The following CALN1 variants were observed in gnomAD, a reference collection of about 807,000 sequenced individuals.
The protein encoded by CALN1 is calneuron 1.
A neutral mutation model predicts 30.6 loss-of-function variants in CALN1; 17 were observed. The ratio of observed to expected loss-of-function variants is 0.56; its 90% CI spans 0.38 to 0.83. CALN1 has a LOEUF of 0.83. Among genes scored for constraint, CALN1 ranks in the 40% least tolerant of loss-of-function variants. CALN1 has a pLI of 0.00. For missense variants in CALN1, 291 were observed against 354.9 expected (o/e 0.82, Z 1.45); for synonymous variants, 156 against 131.4 (o/e 1.19, Z -1.28).
At chr7:72,042,557 T>C (rs939326228) in intron 4 of CALN1, among the ~76,000 whole-genome samples, 6 of 152,110 alleles carry the variant, frequency 3.9e-5, no homozygotes, top group Admixed American at 1.3e-4. Context: ...CTGCCTGGCA[T>C]GTACTCAAAT....
chr7:72,405,857 T>A (rs1453212750), intron 1 of CALN1, among the ~76,000 whole-genome samples: 1 of 152,230 alleles, frequency 6.6e-6, no homozygotes, highest in Non-Finnish European at 1.5e-5. Flanking sequence ...AACTTCTGAA[T>A]ATGTTGAGTC....
Position 72,397,714 on chromosome 7 carries a change from T to TCTCACACA in CALN1, c.119+5536_119+5537insTGTGTGAG, listed in dbSNP as rs142607076. ...GATCTTGGAGAGCACCCATTCTCTC[T>TCTCACACA]CACACACACACACACACACACACAC... On this transcript the variant is annotated intron_variant, in intron 2 of 6. Transcript: ENST00000395275. 7.6e-3 allele frequency among the ~76,000 whole-genome samples: 1,082 copies of TCTCACACA among 142,910 alleles called. 13 individuals carry two copies. The highest frequency in any genetic ancestry group is 0.018 in the African/African-American group (701 of 38,226). 93.8% of individuals were successfully genotyped at this position (142,910 alleles called of 152,430 possible).
chr7:71,881,197 C>A (rs1486077476), intron 5 of CALN1, among the ~76,000 whole-genome samples: 1 of 152,180 alleles, frequency 6.6e-6, no homozygotes, highest in African/African-American at 2.4e-5. Flanking sequence ...GGCTCTCAGG[C>A]CTTTTGGCCA....
intron 3 of CALN1, among the ~76,000 whole-genome samples, chr7:72,136,980 T>C (rs1809555298): frequency 6.6e-6 from 1 of 152,180 alleles, no homozygotes; most frequent in Non-Finnish European, 1.5e-5. Flanking sequence ...GAAAGAAACA[T>C]GAAATGTGGC....
In CALN1 at chr7:72,405,232, A is replaced by G. The variant is rs55841026; in HGVS notation, c.-73-1790T>C. On this transcript the variant is annotated intron_variant, in intron 1 of 6. Coordinates refer to ENST00000395275, the MANE Select transcript of CALN1 (RefSeq NM_031468.4). ...TCAAAGCAAGAAGTCACATCTCACCAAACAGCACATGTGCAACGCACCCAT... is the reference window on the plus strand; with the variant it reads ...TCAAAGCAAGAAGTCACATCTCACCGAACAGCACATGTGCAACGCACCCAT... 8.3e-3 allele frequency among the ~76,000 whole-genome samples: 1,260 copies of G among 152,332 alleles called. 7 individuals carry two copies. Among genetic ancestry groups the G allele is most frequent in the Middle Eastern group, 0.017 (5 of 294 alleles).
At chr7:71,843,032 C>T (rs1198642552) in intron 5 of CALN1, among the ~76,000 whole-genome samples, 1 of 152,054 alleles carries the variant, frequency 6.6e-6, no homozygotes, top group Non-Finnish European at 1.5e-5. Flanking sequence ...TTTTTCTCTG[C>T]TAGGCATTAA....
intron 5 of CALN1, among the ~76,000 whole-genome samples, chr7:71,987,299 A>G (rs1798725229): frequency 6.6e-6 from 1 of 152,216 alleles, no homozygotes; most frequent in South Asian, 2.1e-4. Context: ...GTGTCTGTGA[A>G]CACGAGGAAC....
chr7:71,800,571 C>T (rs1787240795), intron 6 of CALN1, among the ~76,000 whole-genome samples: 1 of 152,164 alleles, frequency 6.6e-6, no homozygotes, highest in African/African-American at 2.4e-5. Flanking sequence ...GGGGATGTGT[C>T]TTAAGAGGGC....
chr7:71,949,941 T>G (rs1285286277), intron 5 of CALN1, among the ~76,000 whole-genome samples: 1 of 152,012 alleles, frequency 6.6e-6, no homozygotes, highest in Non-Finnish European at 1.5e-5. Context: ...TTTTTGTATT[T>G]TTAGTAGAGA....
At chr7:72,335,602 C>T (rs1303441850) in intron 2 of CALN1, among the ~76,000 whole-genome samples, 1 of 152,228 alleles carries the variant, frequency 6.6e-6, no homozygotes, top group East Asian at 1.9e-4. Flanking sequence ...TGCAGAAAAC[C>T]GGCTCAGGGC....
At chr7:71,991,519 T>G (rs561086860) in intron 5 of CALN1, among the ~76,000 whole-genome samples, 1 of 151,552 alleles carries the variant, frequency 6.6e-6, no homozygotes, top group East Asian at 1.9e-4. Flanking sequence ...GCCTACATTT[T>G]AGAAGTGCAA....
At chr7:72,411,126 T>C (rs182754960) in intron 1 of CALN1, among the ~76,000 whole-genome samples, 1 of 152,114 alleles carries the variant, frequency 6.6e-6, no homozygotes, top group East Asian at 1.9e-4. Context: ...AGCCTATTTA[T>C]AAGAGCAAAC....
At chr7:72,210,689 G>A (rs1792326876) in intron 3 of CALN1, among the ~76,000 whole-genome samples, 2 of 151,928 alleles carry the variant, frequency 1.3e-5, no homozygotes, top group African/African-American at 2.4e-5. Context: ...AAGTATGGAG[G>A]AAACCACCCC....
intron 3 of CALN1, among the ~76,000 whole-genome samples, chr7:72,109,976 C>G (rs1457574010): frequency 6.6e-6 from 1 of 152,222 alleles, no homozygotes; most frequent in Non-Finnish European, 1.5e-5. Flanking sequence ...CAGAGGATGA[C>G]AAGGTCTGCG....
At chr7:71,971,953 A>AAAAGAAAGAAAGAAAGAAAGAAAGAAAG (rs61083921) in intron 5 of CALN1, among the ~76,000 whole-genome samples, 11 of 72,812 alleles carry the variant, frequency 1.5e-4, no homozygotes, top group African/African-American at 7.0e-4. Context: ...AAAAAAAAAA[A>AAAAGAAAGAAAGAAAGAAAGAAAGAAAG]AAAGAAAGAA....
chr7:72,025,047 A>G (rs1048013814), intron 4 of CALN1, among the ~76,000 whole-genome samples: 2 of 152,146 alleles, frequency 1.3e-5, no homozygotes, highest in Non-Finnish European at 2.9e-5. Flanking sequence ...GCGGTGGCTC[A>G]TGCCTGTAAT....
rs200957558 is a variant in CALN1 at position 72,363,545 on chromosome 7, T to TA, written c.119+39705dup. Among the ~76,000 whole-genome samples, 539 of 151,138 alleles carry TA rather than the reference T, an allele frequency of 3.6e-3. 5 individuals carry two copies. The highest frequency in any genetic ancestry group is 0.012 in the African/African-American group (504 of 40,868). On this transcript the variant is annotated intron_variant, in intron 2 of 6. Coordinates refer to ENST00000395275, the MANE Select transcript of CALN1 (RefSeq NM_031468.4). ...TGAGCCACTGCACCTGGCCTAATTT[T>TA]AAAAAGACAAATGCACATAAACTTA...
At chr7:72,223,655 T>A (rs1437687806) in intron 3 of CALN1, among the ~76,000 whole-genome samples, 1 of 152,096 alleles carries the variant, frequency 6.6e-6, no homozygotes, top group Non-Finnish European at 1.5e-5. Flanking sequence ...AGCAAAAAAA[T>A]AAATTGTTCT....
intron 5 of CALN1, among the ~76,000 whole-genome samples, chr7:71,952,670 C>T (rs1264844416): frequency 1.0e-5 from 1 of 97,528 alleles, no homozygotes; most frequent in Non-Finnish European, 2.3e-5. Flanking sequence ...TCAACTCATT[C>T]CTGGACTATT....
Sources: gnomAD v4.1 joint callset for allele counts (sites outside exome capture counted in the v4.1 genomes callset) on GRCh38, gnomAD v4.1.1 for gene constraint, MANE v1.5 for transcripts, NCBI Gene and HGNC (gene_info 2026-07-23, HGNC 2026-07-21) for gene names.